The following ITGB6 variants were observed in gnomAD, a reference collection of about 807,000 sequenced individuals.
ITGB6 encodes integrin subunit beta 6.
Under a neutral mutation model 84.5 loss-of-function variants are expected in ITGB6, and 80 were observed. The observed-to-expected ratio is 0.95, with a 90% CI of 0.79 to 1.14. The LOEUF (loss-of-function observed/expected upper bound fraction) is 1.14. Ranked by LOEUF, ITGB6 falls within the 50% of genes most tolerant of loss-of-function variation. ITGB6 has a pLI of 0.00. For synonymous variants in ITGB6, 383 were observed against 354.9 expected (o/e 1.08, Z -0.89); for missense variants, 1,006 against 968.0 (o/e 1.04, Z -0.52).
chr2:160,117,567 G>T (rs1278462168), intron 12 of ITGB6, among the ~76,000 whole-genome samples: 1 of 152,134 alleles, frequency 6.6e-6, no homozygotes, highest in Non-Finnish European at 1.5e-5. Flanking sequence ...AAGCAGGAAA[G>T]ATCCAAAACT....
intron 12 of ITGB6, among the ~76,000 whole-genome samples, chr2:160,123,443 AG>A (rs1242202689): frequency 6.6e-6 from 1 of 152,184 alleles, no homozygotes; most frequent in Non-Finnish European, 1.5e-5. Flanking sequence ...GGGTGAATTC[AG>A]GTTTGGGGGT....
At chr2:160,112,250 TG>T in intron 12 of ITGB6, 51 bp from the exon 13 acceptor site, 1 of 1,539,058 alleles carries the variant, frequency 6.5e-7, no homozygotes, top group Non-Finnish European at 8.9e-7. Context: ...CAAAAGAGAT[TG>T]TTTTTAAAAC....
At chr2:160,165,204 A>C (rs896221699) in intron 7 of ITGB6, among the ~76,000 whole-genome samples, 1 of 152,210 alleles carries the variant, frequency 6.6e-6, no homozygotes, top group Non-Finnish European at 1.5e-5. Flanking sequence ...AGGATAAAGA[A>C]TATCTAGACT....
intron 7 of ITGB6, among the ~76,000 whole-genome samples, chr2:160,159,018 G>C (rs964493129): frequency 6.6e-6 from 1 of 151,706 alleles, no homozygotes; most frequent in Non-Finnish European, 1.5e-5. Context: ...AGACTCGCTT[G>C]AAGCCAGGAG....
At chr2:160,187,648 A>C (rs1685958229) in intron 4 of ITGB6, among the ~76,000 whole-genome samples, 1 of 152,202 alleles carries the variant, frequency 6.6e-6, no homozygotes, top group Non-Finnish European at 1.5e-5. Context: ...GAGATTTCCG[A>C]ATATGTAAAA....
In ITGB6 at chr2:160,137,466, G is replaced by A; in HGVS notation, c.1628C>T (p.Ser543Phe). 6.2e-7 allele frequency: 1 copy of A among 1,612,778 alleles called. No individual in the cohort carries two copies. Among genetic ancestry groups the A allele is most frequent in the Non-Finnish European group, 8.5e-7 (1 of 1,178,872 alleles). The change falls in exon 10 of 15, where the codon TCC (serine) becomes TTC (phenylalanine). Residue 543 changes from serine to phenylalanine, a missense_variant. Coordinates refer to ENST00000283249, the MANE Select transcript of ITGB6 (RefSeq NM_000888.5). ...YGPYCQCDNF[S>F]CVRHKGLLCG... ...GAGCAGCCCTTTGTGTCTCACGCAG[G>A]AGAAATTGTCACACTGGCAATAAGG...
At chr2:160,168,766 C>G (rs1485122197) in intron 7 of ITGB6, among the ~76,000 whole-genome samples, 1 of 152,094 alleles carries the variant, frequency 6.6e-6, no homozygotes, top group Non-Finnish European at 1.5e-5. Context: ...TTCTCAATAG[C>G]TTGTGTCTCT....
chr2:160,173,060 G>C (rs1685277653), intron 5 of ITGB6, among the ~76,000 whole-genome samples: 1 of 152,104 alleles, frequency 6.6e-6, no homozygotes, highest in Admixed American at 6.6e-5. Context: ...ATTGAGCAGA[G>C]GAGGTCATAG....
At chr2:160,102,052 A>C (rs1696742270) in intron 14 of ITGB6, among the ~76,000 whole-genome samples, 1 of 152,204 alleles carries the variant, frequency 6.6e-6, no homozygotes, top group Non-Finnish European at 1.5e-5. Context: ...TATTCTAAAA[A>C]TCTTACCTCT....
At chr2:160,111,520 T>C (rs1682512938) in intron 13 of ITGB6, among the ~76,000 whole-genome samples, 1 of 151,850 alleles carries the variant, frequency 6.6e-6, no homozygotes, top group South Asian at 2.1e-4. Context: ...TCGGCATACC[T>C]GAGCTTCAAG....
intron 12 of ITGB6, among the ~76,000 whole-genome samples, chr2:160,113,785 T>C (rs967429199): frequency 2.0e-5 from 3 of 152,218 alleles, no homozygotes; most frequent in Admixed American, 2.0e-4. Context: ...TTCATATATT[T>C]GATTGCAAAT....
chr2:160,102,864 A>G (rs1437046712), intron 14 of ITGB6, among the ~76,000 whole-genome samples: 1 of 152,194 alleles, frequency 6.6e-6, no homozygotes, highest in African/African-American at 2.4e-5. Flanking sequence ...TGGTGTCCCT[A>G]TCTGTTCCTA....
At chr2:160,164,469 T>C (rs997560648) in intron 7 of ITGB6, among the ~76,000 whole-genome samples, 12 of 152,214 alleles carry the variant, frequency 7.9e-5, no homozygotes, top group Admixed American at 2.0e-4. Flanking sequence ...AGGTGGGCAG[T>C]TCACATGAGG....
intron 7 of ITGB6, among the ~76,000 whole-genome samples, chr2:160,155,580 T>G (rs1402033648): frequency 6.6e-6 from 1 of 152,210 alleles, no homozygotes; most frequent in Non-Finnish European, 1.5e-5. Context: ...GAAATCTCTC[T>G]ATACCCTCTA....
At position 160,174,018 on chromosome 2, in the gene ITGB6, G is replaced by A. The variant is rs1574119868; in HGVS notation, c.715C>T (p.Pro239Ser). 2 of 1,613,710 alleles carry A rather than the reference G, an allele frequency of 1.2e-6. No individual in the cohort carries two copies. The highest frequency in any genetic ancestry group is 8.5e-7 in the Non-Finnish European group (1 of 1,179,890). ...ATAATTGCATCAAATCCACCTTCGG[G>A]TGTGTCAATATTAGCAGAAATTTTC... is the stretch of plus-strand genomic sequence containing the variant. ...NQKISANIDT[P>S]EGGFDAIMQA... is the part of the protein sequence containing the mutation. The change falls in exon 5 of 15, where the codon CCC becomes TCC. Residue 239 changes from proline (P) to serine (S), a missense_variant. Transcript: ENST00000283249.
At chr2:160,196,797 C>T (rs1686360601) in intron 2 of ITGB6, among the ~76,000 whole-genome samples, 1 of 152,042 alleles carries the variant, frequency 6.6e-6, no homozygotes. Flanking sequence ...GACATCATCC[C>T]ATGAATTTAT....
At chr2:160,128,326 A>G (rs75394489) in intron 10 of ITGB6, among the ~76,000 whole-genome samples, 4,012 of 151,640 alleles carry the variant, frequency 0.026, 69 homozygotes, top group South Asian at 0.077. Flanking sequence ...GAATCATGTG[A>G]CCTGCTTAAT....
chr2:160,137,461 C>G lies in ITGB6; in HGVS notation c.1633G>C (p.Val545Leu). ...CCGCAGAGCAGCCCTTTGTGTCTCA[C>G]GCAGGAGAAATTGTCACACTGGCAA... ...PYCQCDNFSC[V>L]RHKGLLCGGN... The change falls in exon 10 of 15, where the codon GTG (valine) becomes CTG (leucine). Residue 545 changes from valine to leucine, a missense_variant. By Grantham distance (32) the Val-to-Leu change is conservative. Transcript: ENST00000283249. 6.2e-7 allele frequency: 1 copy of G among 1,612,284 alleles called. No individual in the cohort carries two copies. The highest frequency in any genetic ancestry group is 1.1e-5 in the South Asian group (1 of 90,952).
At chr2:160,171,442 C>T (rs1196222676) in intron 6 of ITGB6, among the ~76,000 whole-genome samples, 1 of 150,414 alleles carries the variant, frequency 6.6e-6, no homozygotes, top group Non-Finnish European at 1.5e-5. Context: ...TCACACCATT[C>T]TCCTGCCTCA....
Sources: gnomAD v4.1 joint callset for allele counts (sites outside exome capture counted in the v4.1 genomes callset) on GRCh38, gnomAD v4.1.1 for gene constraint, MANE v1.5 for transcripts, NCBI Gene and HGNC (gene_info 2026-07-23, HGNC 2026-07-21) for gene names.